MPPED2: variants seen among roughly 807,000 people sequenced by gnomAD.
The protein encoded by MPPED2 is metallophosphoesterase domain containing 2, also known as metallophosphoesterase MPPED2.
MPPED2 carries 5 observed loss-of-function variants against 33.0 expected under a neutral mutation model. That is an observed-to-expected ratio of 0.15 (90% CI 0.08 to 0.32). MPPED2 has a LOEUF of 0.32. MPPED2 is among the 10% of genes least tolerant of loss of function. MPPED2 has a pLI of 1.00. For missense variants in MPPED2, 275 were observed against 372.1 expected (o/e 0.74, Z 2.15); for synonymous variants, 136 against 141.9 (o/e 0.96, Z 0.29).
At chr11:30,482,251 T>TA (rs1265063569) in intron 4 of MPPED2, among the ~76,000 whole-genome samples, 2 of 152,218 alleles carry the variant, frequency 1.3e-5, no homozygotes, top group Admixed American at 6.5e-5. Flanking sequence ...ACTATATTAG[T>TA]ATATGTTTTT....
intron 3 of MPPED2, among the ~76,000 whole-genome samples, chr11:30,507,327 T>G (rs1377367031): frequency 1.3e-5 from 2 of 152,234 alleles, no homozygotes; most frequent in East Asian, 3.9e-4. Flanking sequence ...TATTCTCCTT[T>G]CTGAATCCCC....
intron 4 of MPPED2, among the ~76,000 whole-genome samples, chr11:30,445,977 A>G (rs1399016502): frequency 1.3e-5 from 2 of 152,212 alleles, no homozygotes; most frequent in Non-Finnish European, 2.9e-5. Flanking sequence ...CCCTAGTGTC[A>G]CTATTACCAT....
intron 2 of MPPED2, among the ~76,000 whole-genome samples, chr11:30,568,198 A>G (rs1956530317): frequency 6.6e-6 from 1 of 152,200 alleles, no homozygotes; most frequent in African/African-American, 2.4e-5. Context: ...ATATATGATT[A>G]TGATCCCTGC....
chr11:30,554,220 A>T (rs756119541), intron 2 of MPPED2, among the ~76,000 whole-genome samples: 3 of 152,226 alleles, frequency 2.0e-5, no homozygotes, highest in South Asian at 2.1e-4. Context: ...ACCCACCCTG[A>T]TTGTAGGTGG....
At chr11:30,466,655 G>T (rs926180991) in intron 4 of MPPED2, among the ~76,000 whole-genome samples, 1 of 152,210 alleles carries the variant, frequency 6.6e-6, no homozygotes, top group African/African-American at 2.4e-5. Context: ...AATACTGAAG[G>T]GGCAGTGATG....
intron 4 of MPPED2, among the ~76,000 whole-genome samples, chr11:30,438,974 T>C (rs1160452032): frequency 2.0e-5 from 3 of 152,224 alleles, no homozygotes; most frequent in Non-Finnish European, 4.4e-5. Flanking sequence ...GCTAAATAGT[T>C]GTTAAAGTAC....
intron 4 of MPPED2, among the ~76,000 whole-genome samples, chr11:30,490,223 A>G (rs1951917116): frequency 6.6e-6 from 1 of 152,150 alleles, no homozygotes; most frequent in Non-Finnish European, 1.5e-5. Flanking sequence ...GCAGAGAATC[A>G]ATTTTAGGTA....
chr11:30,395,951 T>A (rs1160005957), intron 6 of MPPED2, among the ~76,000 whole-genome samples: 1 of 152,176 alleles, frequency 6.6e-6, no homozygotes, highest in African/African-American at 2.4e-5. Flanking sequence ...ATAATCGTCA[T>A]AAATTTCCTG....
intron 3 of MPPED2, among the ~76,000 whole-genome samples, chr11:30,506,133 G>T (rs1952816170): frequency 6.6e-6 from 1 of 152,096 alleles, no homozygotes; most frequent in African/African-American, 2.4e-5. Flanking sequence ...CGCCTCCAGG[G>T]TTCAAGGGAT....
At chr11:30,398,011 T>C (rs1316479241) in intron 6 of MPPED2, among the ~76,000 whole-genome samples, 3 of 152,144 alleles carry the variant, frequency 2.0e-5, no homozygotes, top group African/African-American at 7.2e-5. Flanking sequence ...GACCAATTCA[T>C]TTCTCCAATT....
chr11:30,414,413 G>T, intron 5 of MPPED2, 72 bp from the exon 6 acceptor site: 1 of 961,548 alleles, frequency 1.0e-6, no homozygotes, highest in Non-Finnish European at 1.7e-6. Context: ...CTTTCAGGAA[G>T]CCATAACTCA....
intron 2 of MPPED2, among the ~76,000 whole-genome samples, chr11:30,556,546 C>T (rs535590955): frequency 1.3e-5 from 2 of 152,200 alleles, no homozygotes; most frequent in East Asian, 3.8e-4. Context: ...CTTTAATCCA[C>T]AAGTCTGTCA....
chr11:30,460,473 A>T (rs1170457626), intron 4 of MPPED2, among the ~76,000 whole-genome samples: 1 of 152,128 alleles, frequency 6.6e-6, no homozygotes, highest in African/African-American at 2.4e-5. Context: ...TTTTTTTAAA[A>T]AGTTAGCCAG....
intron 3 of MPPED2, among the ~76,000 whole-genome samples, chr11:30,522,310 T>C (rs1193192343): frequency 6.6e-6 from 1 of 152,034 alleles, no homozygotes; most frequent in Non-Finnish European, 1.5e-5. Flanking sequence ...TCCATGTTCT[T>C]AGGAAAGATA....
chr11:30,432,444 CTTTA>C (rs1485096246), intron 4 of MPPED2, among the ~76,000 whole-genome samples: 9,989 of 152,170 alleles, frequency 0.066, 1,044 homozygotes, highest in African/African-American at 0.22. Context: ...TAGTTTACTT[CTTTA>C]TAGCTTTCAA....
intron 4 of MPPED2, among the ~76,000 whole-genome samples, chr11:30,463,152 G>C (rs778695855): frequency 1.3e-5 from 2 of 152,220 alleles, no homozygotes; most frequent in Non-Finnish European, 2.9e-5. Context: ...CACTACGAAG[G>C]TTTTCTCGGC....
At chr11:30,452,926 C>T (rs1421260399) in intron 4 of MPPED2, among the ~76,000 whole-genome samples, 1 of 151,872 alleles carries the variant, frequency 6.6e-6, no homozygotes, top group Non-Finnish European at 1.5e-5. Flanking sequence ...AAGATGGAGA[C>T]ATTGCAGAAA....
intron 3 of MPPED2, among the ~76,000 whole-genome samples, chr11:30,501,230 C>A (rs1262906043): frequency 3.3e-5 from 5 of 152,196 alleles, no homozygotes; most frequent in African/African-American, 1.2e-4. Context: ...GGTTTATCCA[C>A]AAATTGGACC....
In MPPED2 at chr11:30,453,948, G is replaced by T. The variant is rs906816649; in HGVS notation, c.537-36315C>A. Among the ~76,000 whole-genome samples the T allele has an allele frequency of 6.9e-4, 105 of 152,148 alleles. 12 individuals carry two copies. The highest frequency in any genetic ancestry group is 2.9e-5 in the Non-Finnish European group (2 of 68,034). Reference sequence around the variant, plus strand: ...GGAGGCTTTGAGGGCTCCAGGTGTGGCTGTGATATACAAAGGAGTTCTGGG... The same window carrying T: ...GGAGGCTTTGAGGGCTCCAGGTGTGTCTGTGATATACAAAGGAGTTCTGGG... On this transcript the variant is annotated intron_variant, in intron 4 of 6. Coordinates refer to ENST00000358117, the MANE Select transcript of MPPED2 (RefSeq NM_001584.3).
Sources: allele counts gnomAD v4.1 joint callset (sites outside exome capture counted in the v4.1 genomes callset), GRCh38; gene constraint gnomAD v4.1.1; transcripts MANE v1.5; gene names NCBI Gene and HGNC (gene_info 2026-07-23, HGNC 2026-07-21).